ZNF490: variants seen among roughly 807,000 people sequenced by gnomAD.
The protein encoded by ZNF490 is zinc finger protein 490.
Under a neutral mutation model 17.7 loss-of-function variants are expected in ZNF490, and 11 were observed. The ratio of observed to expected loss-of-function variants is 0.62; its 90% confidence interval spans 0.39 to 1.03. The LOEUF is 1.03. ZNF490 is among the 50% of genes least tolerant of loss of function. ZNF490 has a pLI of 0.00. For synonymous variants in ZNF490, 222 were observed against 216.1 expected (o/e 1.03, Z -0.24); for missense variants, 542 against 643.4 (o/e 0.84, Z 1.71).
intron 2 of ZNF490, among the ~76,000 whole-genome samples, chr19:12,599,139 CAAAAAAAAA>C (rs55911311): frequency 7.3e-5 from 5 of 68,634 alleles, no homozygotes; most frequent in Admixed American, 2.1e-4. Context: ...GACTCTGTCT[CAAAAAAAAA>C]AAAAAAAAAA....
intron 2 of ZNF490, among the ~76,000 whole-genome samples, chr19:12,596,762 T>G (rs1466709607): frequency 1.3e-5 from 2 of 152,072 alleles, no homozygotes; most frequent in African/African-American, 4.8e-5. Context: ...AGGAACGAAC[T>G]CTGGGAGCTC....
At chr19:12,608,624 C>T (rs1198194380) in intron 2 of ZNF490, among the ~76,000 whole-genome samples, 1 of 152,022 alleles carries the variant, frequency 6.6e-6, no homozygotes, top group Admixed American at 6.6e-5. Flanking sequence ...GTGTGCCTCC[C>T]ACCATGCCCA....
intron 2 of ZNF490, among the ~76,000 whole-genome samples, chr19:12,593,157 G>T (rs1318454876): frequency 6.6e-6 from 1 of 152,148 alleles, no homozygotes; most frequent in South Asian, 2.1e-4. Context: ...CGGAGCCTTG[G>T]ATTGTGGGAT....
chr19:12,577,402 C>T lies in ZNF490; in HGVS notation c.*3083G>A, dbSNP rs1385413807. On this transcript the variant is annotated 3_prime_UTR_variant, in exon 5 of 5. Coordinates refer to ENST00000311437, the MANE Select transcript of ZNF490 (RefSeq NM_020714.3). ...GAATCTCGAACTTCCTGACCTCCCA[C>T]AGTACAATAATCATCTCTCTACAAA... 2 of 982,320 alleles carry T rather than the reference C, an allele frequency of 2.0e-6. No individual in the cohort carries two copies. The highest frequency in any genetic ancestry group is 2.4e-6 in the Non-Finnish European group (2 of 827,100). 60.9% of individuals were successfully genotyped at this position (982,320 alleles called of 1,614,324 possible).
At chr19:12,603,924 G>A (rs1044149715) in intron 2 of ZNF490, among the ~76,000 whole-genome samples, 8 of 152,046 alleles carry the variant, frequency 5.3e-5, no homozygotes, top group Admixed American at 2.6e-4. Flanking sequence ...TATGTTAATG[G>A]GGTGATTTTT....
chr19:12,604,824 C>CA (rs952724238), intron 2 of ZNF490, among the ~76,000 whole-genome samples: 3,719 of 139,204 alleles, frequency 0.027, 161 homozygotes, highest in African/African-American at 0.091. Context: ...AACTCCGTCT[C>CA]AAAAAAAAAA....
intron 2 of ZNF490, among the ~76,000 whole-genome samples, chr19:12,601,821 T>A (rs551185328): frequency 6.0e-5 from 9 of 150,950 alleles, no homozygotes; most frequent in East Asian, 2.0e-4. Flanking sequence ...TGAAACCCTG[T>A]CTCTACTAAA....
chr19:12,610,430 C>T, intron 1 of ZNF490, 134 bp downstream of exon 1: 1 of 764,716 alleles, frequency 1.3e-6, no homozygotes, highest in Non-Finnish European at 2.2e-6. Flanking sequence ...AAGGTGGACG[C>T]CTCAACGCTG....
intron 2 of ZNF490, among the ~76,000 whole-genome samples, chr19:12,592,843 G>A (rs2022888630): frequency 6.6e-6 from 1 of 152,142 alleles, no homozygotes; most frequent in African/African-American, 2.4e-5. Context: ...CAATTTTTCT[G>A]TAACTCTGAA....
intron 4 of ZNF490, among the ~76,000 whole-genome samples, chr19:12,582,320 G>A (rs1031850645): frequency 6.6e-5 from 10 of 151,856 alleles, no homozygotes; most frequent in Non-Finnish European, 1.0e-4. Context: ...TTGAACTCCT[G>A]GCCTCAAGCA....
chr19:12,602,079 T>TATATATAC (rs778812676), intron 2 of ZNF490, among the ~76,000 whole-genome samples: 3 of 68,594 alleles, frequency 4.4e-5, no homozygotes, highest in African/African-American at 1.2e-4. Context: ...GTTCACTATA[T>TATATATAC]ACACACACAC....
At chr19:12,606,977 C>T (rs570120626) in intron 2 of ZNF490, among the ~76,000 whole-genome samples, 3 of 152,154 alleles carry the variant, frequency 2.0e-5, no homozygotes, top group African/African-American at 7.2e-5. Context: ...ATCATACCTC[C>T]CATCTTGCAA....
At chr19:12,588,501 A>C (rs1042093236) in intron 2 of ZNF490, among the ~76,000 whole-genome samples, 8 of 152,236 alleles carry the variant, frequency 5.3e-5, no homozygotes, top group Admixed American at 2.0e-4. Flanking sequence ...CTGCAGGAAG[A>C]AATACATGAA....
In ZNF490 at chr19:12,577,793, AGG is replaced by A; in HGVS notation, c.*2690_*2691del. 1 of 985,520 alleles carries A rather than the reference AGG, an allele frequency of 1.0e-6. No homozygotes were observed. Among genetic ancestry groups the A allele is most frequent in the Non-Finnish European group, 1.2e-6 (1 of 829,994 alleles). 61.0% of individuals were successfully genotyped at this position (985,520 alleles called of 1,614,324 possible). A position where few individuals can be genotyped will look rare whatever the true frequency, so the allele number is the denominator to read the frequency against. On this transcript the variant is annotated 3_prime_UTR_variant, in exon 5 of 5. Coordinates refer to ENST00000311437, the MANE Select transcript of ZNF490 (RefSeq NM_020714.3). Reference sequence around the variant, plus strand: ...CAAAGATCACTTCTGGGACCCACCCAGGGAGACTGTTGTTACGAGGGTGGATG... The same window carrying A: ...CAAAGATCACTTCTGGGACCCACCCAGAGACTGTTGTTACGAGGGTGGATG...
intron 2 of ZNF490, among the ~76,000 whole-genome samples, chr19:12,597,812 G>A (rs2022953044): frequency 6.6e-6 from 1 of 152,152 alleles, no homozygotes; most frequent in African/African-American, 2.4e-5. Context: ...GGCCAGGCAC[G>A]TTGGCTCAAG....
intron 2 of ZNF490, among the ~76,000 whole-genome samples, chr19:12,594,253 G>T (rs1410362471): frequency 6.6e-6 from 1 of 152,010 alleles, no homozygotes; most frequent in African/African-American, 2.4e-5. Flanking sequence ...ATCACTGGAG[G>T]TCAGGAGTTT....
At chr19:12,604,098 C>T (rs1047827330) in intron 2 of ZNF490, among the ~76,000 whole-genome samples, 1 of 152,162 alleles carries the variant, frequency 6.6e-6, no homozygotes, top group Admixed American at 6.6e-5. Context: ...ATCATGTCAC[C>T]ATAATAAAGC....
intron 2 of ZNF490, among the ~76,000 whole-genome samples, chr19:12,592,497 T>C (rs987333564): frequency 7.2e-5 from 11 of 152,024 alleles, no homozygotes; most frequent in Middle Eastern, 3.4e-3. Flanking sequence ...GTTTCAAAGA[T>C]GACATTCAGG....
chr19:12,609,908 A>T (rs766769889), intron 1 of ZNF490: 4 of 455,374 alleles, frequency 8.8e-6, no homozygotes, highest in South Asian at 6.2e-5. Context: ...TGATGGGTGC[A>T]CTAAAAGCCA....
Sources: gnomAD v4.1 joint callset for allele counts (sites outside exome capture counted in the v4.1 genomes callset) on GRCh38, gnomAD v4.1.1 for gene constraint, MANE v1.5 for transcripts, NCBI Gene and HGNC (gene_info 2026-07-23, HGNC 2026-07-21) for gene names.